The following ZSWIM5 variants were observed in gnomAD, a reference collection of about 807,000 sequenced individuals.
ZSWIM5 encodes zinc finger SWIM domain-containing protein 5.
Under a neutral mutation model 119.6 loss-of-function variants are expected in ZSWIM5, and 55 were observed. That is an observed-to-expected ratio of 0.46 (90% CI 0.37 to 0.58). The LOEUF (loss-of-function observed/expected upper bound fraction) is 0.58, where lower values mean the gene tolerates loss of function less well. ZSWIM5 is among the 20% of genes least tolerant of loss of function. The pLI is 0.00. For synonymous variants in ZSWIM5, 537 were observed against 606.9 expected (o/e 0.88, Z 1.69); for missense variants, 1,193 against 1,512.8 (o/e 0.79, Z 3.51).
rs12756568 is a variant in ZSWIM5, at chr1:45,184,164, C to T, written c.595+21592G>A. ...GATAAAAACCACATGATTATCTCAA[C>T]AGATGCAGAAAAGGCCTTTGACAAA... is the stretch of plus-strand genomic sequence containing the variant. On this transcript the variant is annotated intron_variant, in intron 1 of 13. Transcript: ENST00000359600. 7.2e-5 allele frequency among the ~76,000 whole-genome samples: 11 copies of T among 152,230 alleles called. 1 individual carries two copies. The highest frequency in any genetic ancestry group is 1.7e-4 in the African/African-American group (7 of 41,532).
intron 1 of ZSWIM5, among the ~76,000 whole-genome samples, chr1:45,194,886 AAAAG>A (rs1328734857): frequency 8.5e-5 from 13 of 152,170 alleles, no homozygotes; most frequent in Admixed American, 8.5e-4. Flanking sequence ...CAAAAAAAAA[AAAAG>A]AGGTTAATCT....
Position 45,193,938 on chromosome 1 carries a change from GTA to G in ZSWIM5, c.595+11816_595+11817del, listed in dbSNP as rs112350029. Among the ~76,000 whole-genome samples, 779 of 145,478 alleles carry G rather than the reference GTA, an allele frequency of 5.4e-3. 6 individuals carry two copies. The highest frequency in any genetic ancestry group is 0.014 in the African/African-American group (556 of 39,512). The stretch of plus-strand genomic sequence containing the variant: ...TATGTGTACATATGTGTGCATATGT[GTA>G]TATATATATATATATACATACATGC... On this transcript the variant is annotated intron_variant, in intron 1 of 13. Coordinates refer to ENST00000359600, the MANE Select transcript of ZSWIM5 (RefSeq NM_020883.2).
In ZSWIM5 at chr1:45,019,025, G is replaced by A. The variant is rs1265773354; in HGVS notation, c.2987C>T (p.Thr996Ile). The A allele has an allele frequency of 6.2e-7, 1 of 1,614,216 alleles. No homozygotes were observed. Among genetic ancestry groups the A allele is most frequent in the Non-Finnish European group, 8.5e-7 (1 of 1,180,040 alleles). ...IAIDAAAGGM[T>I]HSQLFTIARY... ...GGCGATGGTGAACAGCTGTGAATGGGTCATACCACCAGCAGCAGCATCAAT... is the reference window on the plus strand; with the variant it reads ...GGCGATGGTGAACAGCTGTGAATGGATCATACCACCAGCAGCAGCATCAAT... The change falls in exon 14 of 14, where the codon ACC (threonine) becomes ATC (isoleucine). Residue 996 changes from threonine (T) to isoleucine (I), a missense_variant. This residue lies in a region of ZSWIM5 where 961 missense variants were observed against 1,290.0 expected (regional missense o/e 0.74). Coordinates refer to ENST00000359600, the MANE Select transcript of ZSWIM5 (RefSeq NM_020883.2). The surrounding 1 kb of genome is among the most constrained non-coding windows in gnomAD (Gnocchi z 5.0).
intron 5 of ZSWIM5, among the ~76,000 whole-genome samples, chr1:45,049,561 G>A (rs1477277121): frequency 6.6e-6 from 1 of 152,150 alleles, no homozygotes. Context: ...GCTCATGCCT[G>A]TAATACTAGC....
At chr1:45,069,423 C>G (rs1645207948) in intron 2 of ZSWIM5, among the ~76,000 whole-genome samples, 1 of 146,742 alleles carries the variant, frequency 6.8e-6, no homozygotes, top group Admixed American at 6.8e-5. Flanking sequence ...GAGACTCCGT[C>G]TCCAAAAAAA....
At chr1:45,133,305 T>C (rs1447133605) in intron 1 of ZSWIM5, among the ~76,000 whole-genome samples, 1 of 152,210 alleles carries the variant, frequency 6.6e-6, no homozygotes. Context: ...TGATTGCCAT[T>C]CTAACTGGTG....
At chr1:45,061,738 G>GTT (rs113825465) in intron 2 of ZSWIM5, among the ~76,000 whole-genome samples, 3,532 of 142,524 alleles carry the variant, frequency 0.025, 140 homozygotes, top group African/African-American at 0.085. Flanking sequence ...CACCTCACCA[G>GTT]TTTTTTTTTT....
chr1:45,139,694 A>ATTTTTTT (rs774168631), intron 1 of ZSWIM5, among the ~76,000 whole-genome samples: 60 of 67,312 alleles, frequency 8.9e-4, no homozygotes, highest in Non-Finnish European at 1.1e-3. Context: ...GCTTTCTTCG[A>ATTTTTTT]TTTTTTTTTT....
chr1:45,051,469 G>A (rs926747494), intron 4 of ZSWIM5, among the ~76,000 whole-genome samples: 30 of 152,252 alleles, frequency 2.0e-4, no homozygotes, highest in Admixed American at 4.6e-4. Flanking sequence ...CTGTGTGCCT[G>A]TGATATAAAG....
At chr1:45,172,610 C>T (rs1645952899) in intron 1 of ZSWIM5, among the ~76,000 whole-genome samples, 1 of 151,978 alleles carries the variant, frequency 6.6e-6, no homozygotes, top group South Asian at 2.1e-4. Flanking sequence ...CAATACAGAG[C>T]TTTATATTTT....
chr1:45,077,546 T>G (rs1645263052), intron 2 of ZSWIM5, among the ~76,000 whole-genome samples: 1 of 152,214 alleles, frequency 6.6e-6, no homozygotes, highest in South Asian at 2.1e-4. Flanking sequence ...ACCACAGGAC[T>G]GAGGCGAAAT....
chr1:45,118,262 T>A (rs896989942), intron 1 of ZSWIM5, among the ~76,000 whole-genome samples: 1 of 152,258 alleles, frequency 6.6e-6, no homozygotes, highest in African/African-American at 2.4e-5. Flanking sequence ...TGGTCCAAGA[T>A]GATTATTTTT....
intron 1 of ZSWIM5, among the ~76,000 whole-genome samples, chr1:45,117,316 T>C (rs1010157185): frequency 2.6e-5 from 4 of 152,188 alleles, no homozygotes; most frequent in Non-Finnish European, 4.4e-5. Flanking sequence ...TCATTCAGAA[T>C]AGAGAAATCA....
chr1:45,164,835 C>A (rs190831335), intron 1 of ZSWIM5, among the ~76,000 whole-genome samples: 1 of 152,034 alleles, frequency 6.6e-6, no homozygotes, highest in African/African-American at 2.4e-5. Flanking sequence ...TAGAGACCTA[C>A]GAAGAGACTT....
intron 1 of ZSWIM5, among the ~76,000 whole-genome samples, chr1:45,163,651 C>T (rs61788449): frequency 0.072 from 11,022 of 152,220 alleles, 495 homozygotes; most frequent in Non-Finnish European, 0.1. Flanking sequence ...GAGCTGAAAA[C>T]CATGGCACGA....
chr1:45,199,512 G>A (rs1646146976), intron 1 of ZSWIM5, among the ~76,000 whole-genome samples: 1 of 152,048 alleles, frequency 6.6e-6, no homozygotes, highest in African/African-American at 2.4e-5. Context: ...TGTTGGCCAG[G>A]ATGGTCTTGA....
At chr1:45,166,986 G>A (rs981725897) in intron 1 of ZSWIM5, among the ~76,000 whole-genome samples, 23 of 151,950 alleles carry the variant, frequency 1.5e-4, no homozygotes, top group African/African-American at 4.1e-4. Flanking sequence ...AAGTTCAGAC[G>A]GAACCAAAAA....
chr1:45,056,271 G>C (rs991974665), intron 4 of ZSWIM5, among the ~76,000 whole-genome samples: 1 of 151,996 alleles, frequency 6.6e-6, no homozygotes, highest in Non-Finnish European at 1.5e-5. Flanking sequence ...GAATATCAAA[G>C]GAGTATTTTT....
intron 1 of ZSWIM5, among the ~76,000 whole-genome samples, chr1:45,194,737 C>T (rs919623057): frequency 4.6e-5 from 7 of 152,032 alleles, no homozygotes; most frequent in East Asian, 1.9e-4. Context: ...ATCAGCCAGG[C>T]GTGGTGGCGG....
Sources: allele counts gnomAD v4.1 joint callset (sites outside exome capture counted in the v4.1 genomes callset), GRCh38; gene constraint gnomAD v4.1.1; regional missense constraint gnomAD v4.1.1; non-coding constraint Gnocchi (gnomAD v3.1); transcripts MANE v1.5; gene names NCBI Gene and HGNC (gene_info 2026-07-23, HGNC 2026-07-21).